Variants in ABHD12B observed in about 807,000 individuals in gnomAD.
ABHD12B encodes abhydrolase domain containing 12B.
In ABHD12B, 42 loss-of-function variants were observed where a neutral mutation model predicts 50.4. The ratio of observed to expected loss-of-function variants is 0.83; its 90% CI spans 0.65 to 1.08. The LOEUF (loss-of-function observed/expected upper bound fraction) is 1.08, where lower values mean the gene tolerates loss of function less well. ABHD12B is among the 50% of genes least tolerant of loss of function. ABHD12B has a pLI of 0.00. For missense variants in ABHD12B, 479 were observed against 447.7 expected (o/e 1.07, Z -0.63); for synonymous variants, 167 against 160.3 (o/e 1.04, Z -0.32).
Position 50,878,875 on chromosome 14 carries a change from G to C in ABHD12B, c.335+28G>C, listed in dbSNP as rs780128852. The C allele has an allele frequency of 5.7e-6, 9 of 1,578,942 alleles. No individual in the cohort carries two copies. The African/African-American group carries it at 1.2e-4, about 21-fold the overall frequency. On this transcript the variant is annotated intron_variant, in intron 3 of 12. Coordinates refer to ENST00000337334, the MANE Select transcript of ABHD12B (RefSeq NM_001206673.2). ...GAGTGCACGGATGGGACACCGGGTT[G>C]CTTGATGGGGCAGGTGTTCCTGTTA... is the stretch of plus-strand genomic sequence containing the variant.
intron 9 of ABHD12B, chr14:50,892,113 A>C (rs6572707): frequency 0.98 from 148,651 of 152,362 alleles, 72,641 homozygotes; most frequent in East Asian, 1. Flanking sequence ...GACTTGAGAT[A>C]AATTTGGGGG....
chr14:50,892,569 T>A (rs1330425789), intron 9 of ABHD12B: 2 of 985,316 alleles, frequency 2.0e-6, no homozygotes, highest in East Asian at 1.1e-4. Context: ...CAGCAGAAGT[T>A]AATTAATTTT....
At position 50,878,137 on chromosome 14, in the gene ABHD12B, G is replaced by T. The variant is rs1189177629; in HGVS notation, c.232+58G>T. 3 of 1,396,288 alleles carry T rather than the reference G, an allele frequency of 2.1e-6. No individual in the cohort carries two copies. The African/African-American group carries it at 4.4e-5, about 20-fold the overall frequency. 86.5% of individuals were successfully genotyped at this position (1,396,288 alleles called of 1,614,324 possible). A position where few individuals can be genotyped will look rare whatever the true frequency, so the allele number is the denominator to read the frequency against. On this transcript the variant is annotated intron_variant, in intron 2 of 12. Coordinates refer to ENST00000337334, the MANE Select transcript of ABHD12B (RefSeq NM_001206673.2). ...TAATTTTTCCCAAATAAAGACCTCA[G>T]TACCCTTAAAGTTGTGACGTAGTGA...
intron 1 of ABHD12B, among the ~76,000 whole-genome samples, chr14:50,874,599 C>CAAA (rs60172918): frequency 4.2e-5 from 6 of 142,772 alleles, no homozygotes; most frequent in African/African-American, 5.1e-5. Context: ...GACTCCGTCT[C>CAAA]AAAAAAAAAT....
intron 5 of ABHD12B, among the ~76,000 whole-genome samples, chr14:50,885,293 C>G (rs1157438904): frequency 2.0e-5 from 3 of 152,136 alleles, no homozygotes; most frequent in African/African-American, 7.2e-5. Flanking sequence ...CTAGAGCATC[C>G]TAGAGATGTT....
chr14:50,894,064 G>A (rs911815024), intron 9 of ABHD12B, among the ~76,000 whole-genome samples: 3 of 152,170 alleles, frequency 2.0e-5, no homozygotes, highest in Middle Eastern at 3.2e-3. Context: ...CACCCTTAGC[G>A]GCAAGTCCCG....
chr14:50,887,861 T>C (rs1266415271), intron 8 of ABHD12B, among the ~76,000 whole-genome samples: 2 of 152,202 alleles, frequency 1.3e-5, no homozygotes, highest in Non-Finnish European at 2.9e-5. Flanking sequence ...TTTTGTCAGA[T>C]CCTGAACTCT....
At chr14:50,888,023 C>T (rs2050065222) in intron 8 of ABHD12B, among the ~76,000 whole-genome samples, 1 of 152,130 alleles carries the variant, frequency 6.6e-6, no homozygotes, top group Non-Finnish European at 1.5e-5. Context: ...TGTAGTTTCT[C>T]ACTGACCACT....
At chr14:50,890,022 C>T (rs2050097042) in intron 9 of ABHD12B, among the ~76,000 whole-genome samples, 1 of 152,114 alleles carries the variant, frequency 6.6e-6, no homozygotes, top group African/African-American at 2.4e-5. Context: ...GCTTTAATAT[C>T]TAAGTTTAAC....
In ABHD12B at chr14:50,872,247, G is replaced by A. The variant is rs1392372319; in HGVS notation, c.73G>A (p.Ala25Thr). ...GCCCCCAGCCCGTAGCTGCGTGGCCGCCTGGTGGGACATGGTCGACCGCAA... is the reference window on the plus strand; with the variant it reads ...GCCCCCAGCCCGTAGCTGCGTGGCCACCTGGTGGGACATGGTCGACCGCAA... ...PGPPARSCVAAWWDMVDRNLR... is the reference protein window; with the variant it reads ...PGPPARSCVATWWDMVDRNLR... Residue 25 changes from alanine to threonine, a missense_variant, in exon 1 of 13, where the codon GCC becomes ACC. By Grantham distance (58) the Ala-to-Thr change is moderately conservative. Transcript: ENST00000337334. 3 of 1,391,326 alleles carry A rather than the reference G, an allele frequency of 2.2e-6. No homozygotes were observed. Among genetic ancestry groups the A allele is most frequent in the South Asian group, 1.6e-5 (1 of 64,474 alleles). The allele number at this position is 1,391,326 out of a possible 1,614,324, so 86.2% of individuals were successfully genotyped here.
chr14:50,890,829 G>T (rs1269721735), intron 9 of ABHD12B, among the ~76,000 whole-genome samples: 65 of 152,176 alleles, frequency 4.3e-4, no homozygotes, highest in Admixed American at 4.3e-3. Context: ...TATACCCTAG[G>T]AGTAGAATTG....
At position 50,878,009 on chromosome 14, in the gene ABHD12B, C is replaced by T. The variant is rs1383135610; in HGVS notation, c.162C>T (p.Ser54=). The T allele has an allele frequency of 2.0e-6, 3 of 1,535,102 alleles. No individual in the cohort carries two copies. In the Admixed American group the frequency reaches 5.9e-5, roughly 30 times the overall value. ...GAAAAATTGCTGCTCTGTATGACAG[C>T]TTTACTAGTAAATCCTTAAAAGAAC... ...LGRKIAALYD[S]FTSKSLKEHV... Residue 54 remains serine (S), a synonymous_variant, in exon 2 of 13, where the codon AGC becomes AGT. Transcript: ENST00000337334.
At chr14:50,894,311 A>C (rs921582675) in intron 9 of ABHD12B, among the ~76,000 whole-genome samples, 1 of 151,676 alleles carries the variant, frequency 6.6e-6, no homozygotes, top group Non-Finnish European at 1.5e-5. Context: ...CTGCACCCTG[A>C]CCTCTTATCT....
intron 9 of ABHD12B, among the ~76,000 whole-genome samples, chr14:50,896,206 T>C (rs2050196897): frequency 6.6e-6 from 1 of 152,172 alleles, no homozygotes; most frequent in Admixed American, 6.5e-5. Context: ...AAGCCTGTTA[T>C]CACTCACCTG....
intron 5 of ABHD12B, among the ~76,000 whole-genome samples, chr14:50,882,658 G>A (rs2049973323): frequency 6.6e-6 from 1 of 151,428 alleles, no homozygotes; most frequent in East Asian, 2.0e-4. Flanking sequence ...GGGATTACAG[G>A]CATGAGCCAC....
chr14:50,886,402 T>G (rs1326111912), intron 7 of ABHD12B, among the ~76,000 whole-genome samples: 1 of 140,396 alleles, frequency 7.1e-6, no homozygotes, highest in Non-Finnish European at 1.5e-5. Flanking sequence ...ATTGTACCAC[T>G]GCACTCCAGC....
intron 1 of ABHD12B, among the ~76,000 whole-genome samples, chr14:50,873,755 G>A (rs1434056258): frequency 1.3e-5 from 2 of 152,122 alleles, no homozygotes; most frequent in African/African-American, 2.4e-5. Context: ...ATTGATGGCT[G>A]ATTATTTAAC....
intron 5 of ABHD12B, among the ~76,000 whole-genome samples, chr14:50,883,103 G>A (rs1485057760): frequency 6.6e-6 from 1 of 152,022 alleles, no homozygotes; most frequent in Non-Finnish European, 1.5e-5. Flanking sequence ...CAGCCCCTGT[G>A]TTTCCAGGTA....
chr14:50,895,614 T>A (rs967596437), intron 9 of ABHD12B: 1 of 152,122 alleles, frequency 6.6e-6, no homozygotes, highest in East Asian at 1.9e-4. Flanking sequence ...GACTGACTCC[T>A]TCCCAGATCT....
Sources: gnomAD v4.1 joint callset for allele counts (sites outside exome capture counted in the v4.1 genomes callset) on GRCh38, gnomAD v4.1.1 for gene constraint, MANE v1.5 for transcripts, NCBI Gene and HGNC (gene_info 2026-07-23, HGNC 2026-07-21) for gene names.